Variants in RASGEF1C observed in about 807,000 individuals in gnomAD.
RASGEF1C encodes the protein ras-GEF domain-containing family member 1C.
In RASGEF1C, 27 loss-of-function variants were observed where a neutral mutation model predicts 58.1. The observed-to-expected ratio is 0.46, with a 90% CI of 0.34 to 0.64. The LOEUF (loss-of-function observed/expected upper bound fraction) is 0.64. Ranked by LOEUF, RASGEF1C falls within the 30% of genes least tolerant of loss-of-function variation. The pLI is 0.01. For missense variants in RASGEF1C, 502 were observed against 605.1 expected, an observed-to-expected ratio of 0.83 and a Z score of 1.79; for synonymous variants, 243 against 246.3, an observed-to-expected ratio of 0.99 and a Z score of 0.13.
chr5:180,208,575 A>T (rs905141726), intron 1 of RASGEF1C, among the ~76,000 whole-genome samples: 3 of 152,096 alleles, frequency 2.0e-5, no homozygotes, highest in Admixed American at 2.0e-4. Context: ...CCCATCCTCA[A>T]GGGTGACAGC....
intron 11 of RASGEF1C, among the ~76,000 whole-genome samples, chr5:180,112,938 AGGGACCG>A (rs1765984523): frequency 1.6e-5 from 2 of 128,070 alleles, no homozygotes; most frequent in Admixed American, 1.6e-4. Context: ...GGATGGACGG[AGGGACCG>A]GGGATGGACG....
At chr5:180,180,994 G>A (rs1767315171) in intron 1 of RASGEF1C, among the ~76,000 whole-genome samples, 1 of 152,204 alleles carries the variant, frequency 6.6e-6, no homozygotes, top group African/African-American at 2.4e-5. Context: ...ACCACGCAGG[G>A]CACTATCAAT....
At chr5:180,191,125 T>TA (rs906776034) in intron 1 of RASGEF1C, among the ~76,000 whole-genome samples, 4 of 152,166 alleles carry the variant, frequency 2.6e-5, no homozygotes, top group Non-Finnish European at 4.4e-5. Context: ...GGCTAAAACT[T>TA]AAAGACTGAC....
Position 180,209,052 on chromosome 5 carries a change from G to A in RASGEF1C, c.-31C>T, listed in dbSNP as rs923586503. ...CCGGCTCCCGGCGCGCCGGAACTCC[G>A]GGCCCGGCCCATGGGCAGCTCCCGG... On this transcript the variant is annotated 5_prime_UTR_variant, in exon 1 of 14. Transcript: ENST00000361132. 6 of 143,962 alleles carry A rather than the reference G, an allele frequency of 4.2e-5. No homozygotes were observed. The highest frequency in any genetic ancestry group is 2.0e-4 in the East Asian group (1 of 4,936). The allele number at this position is 143,962 out of a possible 1,614,324, so 8.9% of individuals were successfully genotyped here.
At chr5:180,112,946 G>T (rs369183370) in intron 11 of RASGEF1C, among the ~76,000 whole-genome samples, 4 of 124,066 alleles carry the variant, frequency 3.2e-5, no homozygotes, top group South Asian at 2.9e-4. Flanking sequence ...GGAGGGACCG[G>T]GGATGGACGG....
At chr5:180,157,408 G>A (rs889869710) in intron 1 of RASGEF1C, among the ~76,000 whole-genome samples, 2 of 152,050 alleles carry the variant, frequency 1.3e-5, no homozygotes, top group Admixed American at 6.5e-5. Flanking sequence ...GATCACCTGA[G>A]GTCGGGAGTT....
At chr5:180,157,490 G>A (rs1263912458) in intron 1 of RASGEF1C, among the ~76,000 whole-genome samples, 1 of 151,976 alleles carries the variant, frequency 6.6e-6, no homozygotes, top group Non-Finnish European at 1.5e-5. Flanking sequence ...AGCCGGGCAT[G>A]GTGGCGCATG....
intron 1 of RASGEF1C, among the ~76,000 whole-genome samples, chr5:180,154,107 C>T (rs140285980): frequency 0.011 from 1,626 of 152,286 alleles, 25 homozygotes; most frequent in Middle Eastern, 0.037. Context: ...CTGTGAAGGG[C>T]GCCCAGAAGC....
intron 1 of RASGEF1C, among the ~76,000 whole-genome samples, chr5:180,172,541 TTC>T (rs761212029): frequency 1.4e-4 from 21 of 152,136 alleles, no homozygotes; most frequent in Non-Finnish European, 7.4e-5. Flanking sequence ...TGCCCGCCAC[TTC>T]TCTCAGACCC....
intron 4 of RASGEF1C, among the ~76,000 whole-genome samples, chr5:180,131,714 T>C (rs1166402757): frequency 6.6e-6 from 1 of 152,220 alleles, no homozygotes; most frequent in Non-Finnish European, 1.5e-5. Flanking sequence ...TCCAGCAGGG[T>C]GTCAGGGCGG....
intron 1 of RASGEF1C, among the ~76,000 whole-genome samples, chr5:180,170,263 C>G (rs1767086301): frequency 6.6e-6 from 1 of 152,182 alleles, no homozygotes; most frequent in Non-Finnish European, 1.5e-5. Flanking sequence ...AGGCCCTGGC[C>G]AGGGCTGAGG....
At chr5:180,136,594 C>T in intron 3 of RASGEF1C, 79 bp from the exon 4 acceptor site, 1 of 1,464,606 alleles carries the variant, frequency 6.8e-7, no homozygotes, top group Non-Finnish European at 9.1e-7. Context: ...CCTTGCGGGT[C>T]TGGCCGCCCG....
intron 1 of RASGEF1C, among the ~76,000 whole-genome samples, chr5:180,165,481 C>A (rs1767006237): frequency 6.6e-6 from 1 of 151,846 alleles, no homozygotes; most frequent in East Asian, 2.0e-4. Context: ...ACTAGCCTGG[C>A]CAACATGGTG....
At chr5:180,152,791 A>G (rs1267937327) in intron 1 of RASGEF1C, among the ~76,000 whole-genome samples, 1 of 151,778 alleles carries the variant, frequency 6.6e-6, no homozygotes, top group African/African-American at 2.4e-5. Context: ...AGCGCCTGTA[A>G]TCCCAGCTAC....
At chr5:180,136,620 C>G (rs955218179) in intron 3 of RASGEF1C, 105 bp from the exon 4 acceptor site, 1 of 1,306,300 alleles carries the variant, frequency 7.7e-7, no homozygotes, top group South Asian at 1.5e-5. Flanking sequence ...GGCAGGGCCT[C>G]GTGCCCTCTC....
intron 4 of RASGEF1C, among the ~76,000 whole-genome samples, chr5:180,134,419 A>G (rs1766430763): frequency 6.6e-6 from 1 of 151,840 alleles, no homozygotes; most frequent in Non-Finnish European, 1.5e-5. Context: ...CATGGCTCCA[A>G]CATCGGGCAG....
intron 1 of RASGEF1C, among the ~76,000 whole-genome samples, chr5:180,149,933 G>GT (rs1766721242): frequency 6.6e-6 from 1 of 152,172 alleles, no homozygotes; most frequent in African/African-American, 2.4e-5. Context: ...AATTTGGGAA[G>GT]TTTTCAGCCA....
intron 1 of RASGEF1C, among the ~76,000 whole-genome samples, chr5:180,144,965 C>T (rs1194113435): frequency 6.6e-6 from 1 of 152,212 alleles, no homozygotes; most frequent in Non-Finnish European, 1.5e-5. Context: ...ACTGTTGTAA[C>T]ATGCGTCAGA....
Position 180,109,415 on chromosome 5 carries a change from G to A in RASGEF1C, c.1303+2042C>T, listed in dbSNP as rs528208134. The stretch of plus-strand genomic sequence containing the variant: ...GGAGCTTGCAGTGAGCCGAGATTGC[G>A]CCACTGCACTCCAGCCTGGGTGACA... On this transcript the variant is annotated intron_variant, in intron 12 of 13. Coordinates refer to ENST00000361132, the MANE Select transcript of RASGEF1C (RefSeq NM_175062.4). Among the ~76,000 whole-genome samples the A allele has an allele frequency of 1.5e-3, 223 of 152,148 alleles. 2 individuals are homozygous for A. The highest frequency in any genetic ancestry group is 5.1e-3 in the African/African-American group (211 of 41,512).
Sources: gnomAD v4.1 joint callset for allele counts (sites outside exome capture counted in the v4.1 genomes callset) on GRCh38, gnomAD v4.1.1 for gene constraint, MANE v1.5 for transcripts, NCBI Gene and HGNC (gene_info 2026-07-23, HGNC 2026-07-21) for gene names.